Variants in RGCC observed in about 807,000 individuals in gnomAD.
The protein encoded by RGCC is regulator of cell cycle.
RGCC carries 15 observed loss-of-function variants against 15.4 expected under a neutral mutation model. That is an observed-to-expected ratio of 0.97 (90% CI 0.65 to 1.50). The LOEUF (loss-of-function observed/expected upper bound fraction) is 1.50. Among genes scored for constraint, RGCC ranks in the 40% most tolerant of loss-of-function variants. The probability of loss-of-function intolerance (pLI) is 0.00; values close to 1 mark genes in which losing one functional copy is unlikely to be tolerated. For synonymous variants in RGCC, 81 were observed against 78.0 expected (o/e 1.04, Z -0.20); for missense variants, 176 against 189.7 (o/e 0.93, Z 0.42).
chr13:41,463,342 T>G (rs1156539725), intron 2 of RGCC, among the ~76,000 whole-genome samples: 1 of 151,854 alleles, frequency 6.6e-6, no homozygotes, highest in African/African-American at 2.4e-5. Flanking sequence ...GGCGGTCGGC[T>G]TCTTCTTGGT....
chr13:41,462,959 GCTCT>G (rs1054608958), intron 2 of RGCC, among the ~76,000 whole-genome samples: 5 of 152,294 alleles, frequency 3.3e-5, no homozygotes, highest in Admixed American at 6.5e-5. Context: ...GAATGTTGCT[GCTCT>G]CTCTCAAGAA....
chr13:41,465,102 G>A (rs1358619536), intron 2 of RGCC, among the ~76,000 whole-genome samples: 2 of 152,126 alleles, frequency 1.3e-5, no homozygotes, highest in East Asian at 3.9e-4. Context: ...TGTCACTTAG[G>A]CAAATTCCTT....
At position 41,466,898 on chromosome 13, in the gene RGCC, C is replaced by T; in HGVS notation, c.311C>T (p.Ala104Val). ...KLNSPTDSTPALLSATVTPQK... is the reference protein window; with the variant it reads ...KLNSPTDSTPVLLSATVTPQK... ...AATTCTCCAACAGACTCTACCCCAG[C>T]TCTTCTCTCTGCCACTGTCACTCCT... Residue 104 changes from alanine to valine, a missense_variant, in exon 3 of 5, where the codon GCT becomes GTT. By Grantham distance (64) the Ala-to-Val change is moderately conservative. Transcript: ENST00000379359. 6.2e-7 allele frequency: 1 copy of T among 1,613,796 alleles called. No homozygotes were observed. The highest frequency in any genetic ancestry group is 8.5e-7 in the Non-Finnish European group (1 of 1,179,678).
intron 4 of RGCC, 76 bp from the exon 5 acceptor site, chr13:41,470,402 T>G: frequency 5.5e-6 from 8 of 1,453,584 alleles, no homozygotes; most frequent in Non-Finnish European, 7.7e-6. Flanking sequence ...GATGCACGTC[T>G]GAGACAGTGT....
intron 2 of RGCC, among the ~76,000 whole-genome samples, chr13:41,466,142 T>G (rs1457189001): frequency 6.8e-6 from 1 of 146,892 alleles, no homozygotes; most frequent in South Asian, 2.2e-4. Flanking sequence ...TCACACACAC[T>G]CCACACTCAC....
At chr13:41,459,779 G>T (rs1459205547) in intron 2 of RGCC, among the ~76,000 whole-genome samples, 1 of 152,206 alleles carries the variant, frequency 6.6e-6, no homozygotes, top group South Asian at 2.1e-4. Flanking sequence ...AATTCTAAAG[G>T]CCAAACTTAA....
chr13:41,463,521 G>A (rs1251863971), intron 2 of RGCC, among the ~76,000 whole-genome samples: 2 of 150,706 alleles, frequency 1.3e-5, no homozygotes, highest in African/African-American at 4.9e-5. Context: ...GGGCGGGGGC[G>A]GGCAGGAGGA....
rs1293415655 is a variant in RGCC, at chr13:41,468,858, TAAAAACAA to T, written c.406+33_406+40del. 2.6e-6 allele frequency: 4 copies of T among 1,568,118 alleles called. No homozygotes were observed. The highest frequency in any genetic ancestry group is 2.6e-6 in the Non-Finnish European group (3 of 1,152,860). On this transcript the variant is annotated intron_variant, in intron 4 of 4. Transcript: ENST00000379359. ...TAGCAAGTAAGTACATGTCTGATAT[TAAAAACAA>T]AAAAACAAAAAACTAACAGACACTT...
intron 2 of RGCC, among the ~76,000 whole-genome samples, chr13:41,466,161 ACACTCTCACACACTTTCT>A (rs1566338317): frequency 7.6e-6 from 1 of 132,402 alleles, no homozygotes; most frequent in African/African-American, 2.8e-5. Context: ...ACACACGCAC[ACACTCTCACACACTTTCT>A]CACACACACA....
intron 4 of RGCC, among the ~76,000 whole-genome samples, chr13:41,470,123 C>T (rs1005134075): frequency 3.3e-5 from 5 of 151,774 alleles, no homozygotes; most frequent in Admixed American, 1.3e-4. Context: ...AACACTCTTG[C>T]AGACAAACCT....
At chr13:41,462,308 A>G (rs1433079799) in intron 2 of RGCC, among the ~76,000 whole-genome samples, 1 of 152,170 alleles carries the variant, frequency 6.6e-6, no homozygotes, top group Non-Finnish European at 1.5e-5. Context: ...AGCTAAAAAA[A>G]CACACCTACC....
chr13:41,457,797 G>T lies in RGCC; in HGVS notation c.49+41G>T. ...GGGGTCCCCTTAAAGTCTCGGCTCT[G>T]CAGATGGCGGGTGAGAAAGGAGGGG... On this transcript the variant is annotated intron_variant, in intron 1 of 4. Coordinates refer to ENST00000379359, the MANE Select transcript of RGCC (RefSeq NM_014059.3). This position sits in a 1 kb window ranked among gnomAD's most constrained non-coding sequence, Gnocchi z 4.9. 2 of 1,363,296 alleles carry T rather than the reference G, an allele frequency of 1.5e-6. No homozygotes were observed. The highest frequency in any genetic ancestry group is 1.9e-5 in the South Asian group (1 of 51,580). 84.4% of individuals were successfully genotyped at this position (1,363,296 alleles called of 1,614,324 possible). A position where few individuals can be genotyped will look rare whatever the true frequency, so the allele number is the denominator to read the frequency against.
rs2043799286 is a variant in RGCC at position 41,457,692 on chromosome 13, C to A, written c.-16C>A. 1.3e-6 allele frequency: 2 copies of A among 1,488,628 alleles called. No individual in the cohort carries two copies. Among genetic ancestry groups the A allele is most frequent in the East Asian group, 6.0e-5 (2 of 33,554 alleles). 92.2% of individuals were successfully genotyped at this position (1,488,628 alleles called of 1,614,324 possible). A position where few individuals can be genotyped will look rare whatever the true frequency, so the allele number is the denominator to read the frequency against. On this transcript the variant is annotated 5_prime_UTR_variant, in exon 1 of 5. Transcript: ENST00000379359. This position sits in a 1 kb window ranked among gnomAD's most constrained non-coding sequence, Gnocchi z 4.9. ...GGACCCAAGGCCACGCGCGCCGGGC[C>A]CAGCTGAGCCGCCTCATGAAGCCGC... is the stretch of plus-strand genomic sequence containing the variant.
chr13:41,469,295 T>TAATAAGAAGAAG (rs869157194), intron 4 of RGCC, among the ~76,000 whole-genome samples: 79 of 86,738 alleles, frequency 9.1e-4, no homozygotes, highest in African/African-American at 2.5e-3. Flanking sequence ...ATAATAATAA[T>TAATAAGAAGAAG]AAGAAGAAGA....
chr13:41,467,834 GT>G (rs2043856502), intron 3 of RGCC, among the ~76,000 whole-genome samples: 1 of 152,200 alleles, frequency 6.6e-6, no homozygotes, highest in Non-Finnish European at 1.5e-5. Flanking sequence ...AGTCTAAAAA[GT>G]GGCTTAAAAC....
At chr13:41,465,733 T>A (rs2043843873) in intron 2 of RGCC, among the ~76,000 whole-genome samples, 3 of 152,138 alleles carry the variant, frequency 2.0e-5, no homozygotes, top group Non-Finnish European at 4.4e-5. Context: ...GGAGAAGATG[T>A]CTTTATCTTT....
At chr13:41,459,319 C>T (rs952059873) in intron 2 of RGCC, among the ~76,000 whole-genome samples, 2 of 152,188 alleles carry the variant, frequency 1.3e-5, no homozygotes, top group African/African-American at 4.8e-5. Flanking sequence ...TATTGTTTTT[C>T]AAAGGGCAAA....
Position 41,458,537 on chromosome 13 carries a change from T to C in RGCC, c.235+67T>C, listed in dbSNP as rs944656296. ...CTCCCAGGACCTGCCCCGCGAAGGC[T>C]GCGGCCTCAGTTTTCTTATCAGTAA... On this transcript the variant is annotated intron_variant, in intron 2 of 4. Coordinates refer to ENST00000379359, the MANE Select transcript of RGCC (RefSeq NM_014059.3). This position sits in a 1 kb window ranked among gnomAD's most constrained non-coding sequence, Gnocchi z 4.4. 27 of 1,472,254 alleles carry C rather than the reference T, an allele frequency of 1.8e-5. No individual in the cohort carries two copies. The highest frequency in any genetic ancestry group is 2.4e-5 in the Non-Finnish European group (26 of 1,100,368). The allele number at this position is 1,472,254 out of a possible 1,614,324, so 91.2% of individuals were successfully genotyped here. A position where few individuals can be genotyped will look rare whatever the true frequency, so the allele number is the denominator to read the frequency against.
At chr13:41,464,729 T>C (rs1489511213) in intron 2 of RGCC, among the ~76,000 whole-genome samples, 1 of 152,152 alleles carries the variant, frequency 6.6e-6, no homozygotes, top group Non-Finnish European at 1.5e-5. Context: ...CTGAGGAATG[T>C]ATTTTTGGGG....
Sources: gnomAD v4.1 joint callset for allele counts (sites outside exome capture counted in the v4.1 genomes callset) on GRCh38, gnomAD v4.1.1 for gene constraint, Gnocchi (gnomAD v3.1) non-coding constraint, MANE v1.5 for transcripts, NCBI Gene and HGNC (gene_info 2026-07-23, HGNC 2026-07-21) for gene names.